The following EBF1 variants were observed in gnomAD, a reference collection of about 807,000 sequenced individuals.
The protein encoded by EBF1 is EBF transcription factor 1, also known as transcription factor COE1.
In EBF1, 10 loss-of-function variants were observed where a neutral mutation model predicts 68.4. The ratio of observed to expected loss-of-function variants is 0.15; its 90% CI spans 0.09 to 0.25. The LOEUF (loss-of-function observed/expected upper bound fraction) is 0.25. Ranked by LOEUF, EBF1 falls within the 10% of genes least tolerant of loss-of-function variation. EBF1 has a pLI of 1.00. For synonymous variants in EBF1, 298 were observed against 299.8 expected (o/e 0.99, Z 0.06); for missense variants, 509 against 794.4 (o/e 0.64, Z 4.32).
At chr5:158,894,935 A>G (rs1004843032) in intron 6 of EBF1, among the ~76,000 whole-genome samples, 2 of 152,234 alleles carry the variant, frequency 1.3e-5, no homozygotes, top group Non-Finnish European at 2.9e-5. Context: ...TTTAGATTTT[A>G]GAAAGTTAAT....
chr5:159,070,393 GA>G (rs2127932653), intron 6 of EBF1, among the ~76,000 whole-genome samples: 1 of 152,290 alleles, frequency 6.6e-6, no homozygotes, highest in East Asian at 1.9e-4. Context: ...AAGTATAATA[GA>G]AGCCCCTTTT....
At chr5:158,931,989 A>G (rs1346300672) in intron 6 of EBF1, among the ~76,000 whole-genome samples, 1 of 152,228 alleles carries the variant, frequency 6.6e-6, no homozygotes, top group Non-Finnish European at 1.5e-5. Flanking sequence ...GCTCTTTAAT[A>G]AAATGGCAAA....
intron 9 of EBF1, among the ~76,000 whole-genome samples, chr5:158,789,751 T>C (rs1299451121): frequency 6.6e-6 from 1 of 152,198 alleles, no homozygotes; most frequent in East Asian, 1.9e-4. Context: ...TGTGGTTCAG[T>C]AAGAGTCAAG....
At chr5:158,699,196 G>T in intron 15 of EBF1, 54 bp from the exon 16 acceptor site, 1 of 1,523,970 alleles carries the variant, frequency 6.6e-7, no homozygotes, top group Non-Finnish European at 8.9e-7. Flanking sequence ...ACTTCTCACT[G>T]AGAAAAATAA....
intron 8 of EBF1, among the ~76,000 whole-genome samples, chr5:158,809,683 A>G (rs1782254373): frequency 6.6e-6 from 1 of 152,188 alleles, no homozygotes; most frequent in South Asian, 2.1e-4. Context: ...ATACAGGAAC[A>G]TTGAAAATAC....
rs1325243453 is a variant in EBF1, at chr5:158,721,288, A to G, written c.1126-7106T>C. 3.3e-5 allele frequency among the ~76,000 whole-genome samples: 5 copies of G among 152,266 alleles called. No homozygotes were observed. In the East Asian group the frequency reaches 9.7e-4, roughly 29 times the overall value. ...GCCTTTGTTAAAAACATGGTATAGG[A>G]GACTCTGAATCATATGAAATTAAAC... On this transcript the variant is annotated intron_variant, in intron 11 of 15. Transcript: ENST00000313708.
At chr5:158,712,902 T>C (rs1759737533) in intron 13 of EBF1, 68 bp downstream of exon 13, 9 of 1,366,386 alleles carry the variant, frequency 6.6e-6, no homozygotes, top group African/African-American at 5.9e-5. Context: ...TAAAAATTGT[T>C]CATGACCAAT....
rs1794095937 is a variant in EBF1 at position 158,856,751 on chromosome 5, A to G, written c.555-16641T>C. 2.6e-5 allele frequency among the ~76,000 whole-genome samples: 4 copies of G among 152,342 alleles called. No individual in the cohort carries two copies. The South Asian group carries it at 8.3e-4, about 32-fold the overall frequency. Reference sequence around the variant, plus strand: ...AGCTGAATCACAGGGAGATTTAGTAACTTGCCTGCCAACAGATAGCTCATG... The same window carrying G: ...AGCTGAATCACAGGGAGATTTAGTAGCTTGCCTGCCAACAGATAGCTCATG... On this transcript the variant is annotated intron_variant, in intron 6 of 15. Transcript: ENST00000313708.
intron 10 of EBF1, among the ~76,000 whole-genome samples, chr5:158,773,480 A>G (rs1466804976): frequency 2.0e-5 from 3 of 152,172 alleles, no homozygotes; most frequent in East Asian, 1.9e-4. Flanking sequence ...TGACCTAACC[A>G]GACATCTGAG....
intron 1 of EBF1, among the ~76,000 whole-genome samples, chr5:159,098,160 C>CA (rs1168025699): frequency 6.6e-6 from 1 of 152,230 alleles, no homozygotes; most frequent in African/African-American, 2.4e-5. Context: ...GGCCTGGGGC[C>CA]ACCAGATCTC....
chr5:158,706,239 G>T, intron 15 of EBF1, among the ~76,000 whole-genome samples: 1 of 150,072 alleles, frequency 6.7e-6, no homozygotes. Context: ...ATTTGCCACT[G>T]TATGTTAGAG....
At chr5:158,858,321 G>A (rs933070325) in intron 6 of EBF1, among the ~76,000 whole-genome samples, 1 of 152,142 alleles carries the variant, frequency 6.6e-6, no homozygotes, top group African/African-American at 2.4e-5. Flanking sequence ...CCTGACACAT[G>A]CTGCCTTCTC....
At chr5:158,856,667 C>T (rs1027264005) in intron 6 of EBF1, among the ~76,000 whole-genome samples, 4 of 152,172 alleles carry the variant, frequency 2.6e-5, no homozygotes, top group African/African-American at 7.2e-5. Flanking sequence ...AGCAACCCTA[C>T]GCTCCCCCAT....
At chr5:158,838,857 A>G (rs1052605487) in intron 7 of EBF1, among the ~76,000 whole-genome samples, 2 of 150,174 alleles carry the variant, frequency 1.3e-5, no homozygotes, top group African/African-American at 4.9e-5. Flanking sequence ...CGTTGCTCTG[A>G]CAGGGAAACT....
At chr5:158,870,790 C>T (rs1000305116) in intron 6 of EBF1, among the ~76,000 whole-genome samples, 11 of 152,168 alleles carry the variant, frequency 7.2e-5, no homozygotes, top group Admixed American at 1.3e-4. Flanking sequence ...TGCCCTGGCT[C>T]TTTGTACTTG....
At chr5:158,836,139 G>C (rs1788737202) in intron 7 of EBF1, among the ~76,000 whole-genome samples, 1 of 152,164 alleles carries the variant, frequency 6.6e-6, no homozygotes, top group South Asian at 2.1e-4. Context: ...AACACCTGAG[G>C]ATGACAGTGA....
intron 9 of EBF1, among the ~76,000 whole-genome samples, chr5:158,795,878 A>C (rs566618166): frequency 6.6e-6 from 1 of 152,310 alleles, no homozygotes; most frequent in South Asian, 2.1e-4. Flanking sequence ...CTGTCTGATG[A>C]ATAGTCACCA....
chr5:158,794,310 C>T (rs1779231622), intron 9 of EBF1, among the ~76,000 whole-genome samples: 2 of 152,102 alleles, frequency 1.3e-5, no homozygotes. Context: ...ATGGGTTTTC[C>T]TTCCTATGAC....
chr5:158,999,137 G>A (rs1341169048), intron 6 of EBF1, among the ~76,000 whole-genome samples: 1 of 152,060 alleles, frequency 6.6e-6, no homozygotes, highest in Non-Finnish European at 1.5e-5. Flanking sequence ...CATATTGATG[G>A]CTCTTACCCA....
Sources: allele counts gnomAD v4.1 joint callset (sites outside exome capture counted in the v4.1 genomes callset), GRCh38; gene constraint gnomAD v4.1.1; transcripts MANE v1.5; gene names NCBI Gene and HGNC (gene_info 2026-07-23, HGNC 2026-07-21).